The following NELFA variants were observed in gnomAD, a reference collection of about 807,000 sequenced individuals.
NELFA encodes negative elongation factor A.
In NELFA, 35 loss-of-function variants were observed where a neutral mutation model predicts 51.8. The ratio of observed to expected loss-of-function variants is 0.68; its 90% CI spans 0.52 to 0.90. NELFA has a LOEUF of 0.90. NELFA is among the 40% of genes least tolerant of loss of function. NELFA has a pLI of 0.00. For synonymous variants in NELFA, 417 were observed against 338.4 expected (o/e 1.23, Z -2.55); for missense variants, 658 against 746.4 (o/e 0.88, Z 1.38).
In NELFA at chr4:1,983,897, T is replaced by TG; in HGVS notation, c.1252dup (p.Gln418ProfsTer11). On this transcript the variant is annotated frameshift_variant, in exon 9 of 11. Transcript: ENST00000382882. LOFTEE classifies it high-confidence loss of function. ...CTGCTGCTGAGCAGGGGCCTGGGTC[T>TG]GCGGGGCCACCATGGCAACCGGGGG... The TG allele has an allele frequency of 6.2e-7, 1 of 1,600,114 alleles. No individual in the cohort carries two copies. Among genetic ancestry groups the TG allele is most frequent in the Non-Finnish European group, 8.5e-7 (1 of 1,172,730 alleles).
Position 1,992,334 on chromosome 4 carries a change from C to T in NELFA, c.211-619G>A, listed in dbSNP as rs1728296585. On this transcript the variant is annotated intron_variant, in intron 1 of 10. Coordinates refer to ENST00000382882, the MANE Select transcript of NELFA (RefSeq NM_005663.5). ...GGTGGCCCCGGGATCTGGAGTGAGGCCAGGGCCTTGGGGAGGCCATGGGCG... is the reference window on the plus strand; with the variant it reads ...GGTGGCCCCGGGATCTGGAGTGAGGTCAGGGCCTTGGGGAGGCCATGGGCG... 12 of 266,476 alleles carry T rather than the reference C, an allele frequency of 4.5e-5. No homozygotes were observed. In the Middle Eastern group the frequency reaches 1.9e-3, roughly 43 times the overall value. The allele number at this position is 266,476 out of a possible 1,614,324, so 16.5% of individuals were successfully genotyped here.
rs1237843619 is a variant in NELFA at position 1,983,962 on chromosome 4, TGTCAGAGGCGAGGTGGGC to T, written c.1170_1187del (p.Ser393_Thr398del). On this transcript the variant is annotated inframe_deletion, in exon 9 of 11. Transcript: ENST00000382882. ...GGGCGACAGCCGGAGGTGTGGTGGG[TGTCAGAGGCGAGGTGGGC>T]GCCGCAGGCGTGGGTGTGGCAGGGC... 1.2e-6 allele frequency: 2 copies of T among 1,611,104 alleles called. No individual in the cohort carries two copies. Among genetic ancestry groups the T allele is most frequent in the South Asian group, 2.2e-5 (2 of 90,942 alleles).
chr4:1,995,791 C>G (rs1190689306), intron 1 of NELFA, among the ~76,000 whole-genome samples: 1 of 152,040 alleles, frequency 6.6e-6, no homozygotes, highest in African/African-American at 2.4e-5. Flanking sequence ...TAACACAGCC[C>G]CAAAATATAT....
At position 1,989,774 on chromosome 4, in the gene NELFA, C is replaced by G. The variant is rs762421100; in HGVS notation, c.478G>C (p.Val160Leu). 6.2e-7 allele frequency: 1 copy of G among 1,614,190 alleles called. No homozygotes were observed. Among genetic ancestry groups the G allele is most frequent in the Admixed American group, 1.7e-5 (1 of 60,032 alleles). ...TTLAGPLTPP[V>L]KHFQLKRKPK... ...TTCCGCTTTAACTGAAAATGCTTCA[C>G]CGGGGGAGTGAGGGGTCCCGCGAGG... Residue 160 changes from valine to leucine, a missense_variant, in exon 3 of 11, where the codon GTG (valine) becomes CTG (leucine). By Grantham distance (32) the Val-to-Leu change is conservative. Coordinates refer to ENST00000382882, the MANE Select transcript of NELFA (RefSeq NM_005663.5). The surrounding 1 kb of genome is among the most constrained non-coding windows in gnomAD (Gnocchi z 4.8).
Position 1,991,290 on chromosome 4 carries a change from G to A in NELFA, c.382+254C>T, listed in dbSNP as rs551670325. Among the ~76,000 whole-genome samples the A allele has an allele frequency of 8.2e-4, 125 of 152,266 alleles. 1 individual carries two copies. The highest frequency in any genetic ancestry group is 2.8e-3 in the African/African-American group (117 of 41,548). ...AGCCGACCAGAGAGAGACGGCGAGT[G>A]GCGTGACACAGCCTCCCACTGACAC... On this transcript the variant is annotated intron_variant, in intron 2 of 10. Coordinates refer to ENST00000382882, the MANE Select transcript of NELFA (RefSeq NM_005663.5).
At chr4:2,003,772 T>C (rs1008585397) in intron 1 of NELFA, 1 of 150,826 alleles carries the variant, frequency 6.6e-6, no homozygotes, top group Non-Finnish European at 1.5e-5. Flanking sequence ...GACGGGTCAA[T>C]AGGTGCAGCA....
chr4:2,006,007 G>C (rs1365521304), intron 1 of NELFA, among the ~76,000 whole-genome samples: 1 of 152,188 alleles, frequency 6.6e-6, no homozygotes. Context: ...TAAGATACAT[G>C]TGGAAGTGTG....
chr4:2,006,277 T>C (rs1290262037), intron 1 of NELFA, among the ~76,000 whole-genome samples: 2 of 152,100 alleles, frequency 1.3e-5, no homozygotes, highest in African/African-American at 4.8e-5. Flanking sequence ...TGTGGAAAAT[T>C]AGACTCCCTG....
intron 7 of NELFA, among the ~76,000 whole-genome samples, chr4:1,985,294 C>A (rs1228217131): frequency 2.0e-5 from 3 of 152,172 alleles, no homozygotes; most frequent in Non-Finnish European, 2.9e-5. Context: ...CTGAAGTGAC[C>A]CCACAGTGTG....
intron 10 of NELFA, 38 bp from the exon 11 acceptor site, chr4:1,983,541 G>T (rs760875249): frequency 1.2e-6 from 2 of 1,611,494 alleles, no homozygotes; most frequent in Non-Finnish European, 1.7e-6. Flanking sequence ...GTGTCTGGGG[G>T]CACCCGCCCC....
chr4:1,984,208 C>G, intron 8 of NELFA, 95 bp from the exon 9 acceptor site: 1 of 1,371,654 alleles, frequency 7.3e-7, no homozygotes, highest in Non-Finnish European at 9.6e-7. Flanking sequence ...CTCCCCTTCT[C>G]TGTCCTGCTA....
intron 1 of NELFA, among the ~76,000 whole-genome samples, chr4:1,993,044 ACG>A (rs1159665800): frequency 6.6e-6 from 1 of 152,200 alleles, no homozygotes; most frequent in East Asian, 1.9e-4. Flanking sequence ...CGCTGCGCAC[ACG>A]CTGCCTCTGG....
intron 4 of NELFA, 125 bp downstream of exon 4, chr4:1,987,793 C>A (rs1728151117): frequency 1.2e-6 from 1 of 806,732 alleles, no homozygotes; most frequent in Admixed American, 3.1e-5. Context: ...TTCCCACGGG[C>A]TCCCAACACT....
At position 1,989,989 on chromosome 4, in the gene NELFA, G is replaced by A. The variant is rs1399193619; in HGVS notation, c.383-120C>T. On this transcript the variant is annotated intron_variant, in intron 2 of 10. Coordinates refer to ENST00000382882, the MANE Select transcript of NELFA (RefSeq NM_005663.5). The surrounding 1 kb of genome is among the most constrained non-coding windows in gnomAD (Gnocchi z 4.8). ...GTTAGGGTTAGGTCATGGGAGCTTC[G>A]GCTGTCCCCTGAGGTCCTCGAGACT... 32 of 1,234,428 alleles carry A rather than the reference G, an allele frequency of 2.6e-5. 1 individual carries two copies. Among genetic ancestry groups the A allele is most frequent in the South Asian group, 1.0e-4 (7 of 68,154 alleles). The allele number at this position is 1,234,428 out of a possible 1,614,324, so 76.5% of individuals were successfully genotyped here. A position where few individuals can be genotyped will look rare whatever the true frequency, so the allele number is the denominator to read the frequency against.
intron 1 of NELFA, among the ~76,000 whole-genome samples, chr4:2,004,422 C>T (rs1728654641): frequency 6.6e-6 from 1 of 152,090 alleles, no homozygotes; most frequent in Non-Finnish European, 1.5e-5. Context: ...TGTAAATATA[C>T]TAAAAACTAC....
intron 1 of NELFA, among the ~76,000 whole-genome samples, chr4:2,003,593 C>A (rs893614036): frequency 6.6e-6 from 1 of 152,150 alleles, no homozygotes; most frequent in Non-Finnish European, 1.5e-5. Flanking sequence ...ATGGATGAAG[C>A]TGGAAGCCAT....
chr4:2,006,493 G>A (rs917331461), intron 1 of NELFA, among the ~76,000 whole-genome samples: 1 of 152,116 alleles, frequency 6.6e-6, no homozygotes, highest in African/African-American at 2.4e-5. Context: ...AAAAGGGCTG[G>A]GCGCACAGAT....
chr4:2,001,638 C>G (rs1307528050), intron 1 of NELFA, among the ~76,000 whole-genome samples: 3 of 152,236 alleles, frequency 2.0e-5, no homozygotes. Flanking sequence ...TGCAGTGGCT[C>G]ACGCCTGTAA....
At chr4:1,987,460 C>T (rs1295455961) in intron 4 of NELFA, 1 of 159,814 alleles carries the variant, frequency 6.3e-6, no homozygotes, top group East Asian at 1.8e-4. Context: ...GGGCACAGCC[C>T]CACGGGCAGC....
Sources: gnomAD v4.1 joint callset for allele counts (sites outside exome capture counted in the v4.1 genomes callset) on GRCh38, gnomAD v4.1.1 for gene constraint, Gnocchi (gnomAD v3.1) non-coding constraint, MANE v1.5 for transcripts, NCBI Gene and HGNC (gene_info 2026-07-23, HGNC 2026-07-21) for gene names.